Variants in LRRC53 observed in about 807,000 individuals in gnomAD.
LRRC53 encodes the protein leucine rich repeat containing 53.
In LRRC53, 25 loss-of-function variants were observed where a neutral mutation model predicts 13.6. The observed-to-expected ratio is 1.83, with a 90% CI of 1.34 to 2.56. The LOEUF is 2.56. LRRC53 is among the 30% of genes most tolerant of loss of function. The pLI is 0.00. For missense variants in LRRC53, 527 were observed against 275.8 expected (o/e 1.91, Z -6.45); for synonymous variants, 204 against 109.8 (o/e 1.86, Z -5.37).
At chr1:74,522,527 A>C in the LRRC53 span, among the ~76,000 whole-genome samples, 1 of 151,968 alleles carries the variant, frequency 6.6e-6, no homozygotes, top group Non-Finnish European at 1.5e-5. Context: ...TAGAAGACCT[A>C]CTCCTGAGGG....
intron 1 of LRRC53, among the ~76,000 whole-genome samples, chr1:74,504,279 T>C (rs1208116460): frequency 6.6e-6 from 1 of 152,202 alleles, no homozygotes; most frequent in Non-Finnish European, 1.5e-5. Flanking sequence ...TGGACTAAAG[T>C]AACCATGTTA....
At chr1:74,483,687 G>T (rs1388500942) in intron 1 of LRRC53, among the ~76,000 whole-genome samples, 2 of 152,156 alleles carry the variant, frequency 1.3e-5, no homozygotes, top group Non-Finnish European at 2.9e-5. Context: ...ATCTTACTTA[G>T]TTCTTTTAAT....
At chr1:74,530,723 G>GTT in the LRRC53 span, among the ~76,000 whole-genome samples, 9 of 142,180 alleles carry the variant, frequency 6.3e-5, no homozygotes, top group Admixed American at 1.4e-4. Flanking sequence ...AACTCAAAAA[G>GTT]TTTTTTTTTT....
the LRRC53 span, among the ~76,000 whole-genome samples, chr1:74,536,561 A>T: frequency 6.6e-6 from 1 of 152,288 alleles, no homozygotes. Flanking sequence ...GCTAATTTGA[A>T]TTAGCACTAA....
the LRRC53 span, among the ~76,000 whole-genome samples, chr1:74,524,651 T>C: frequency 7.4e-6 from 1 of 135,176 alleles, no homozygotes; most frequent in African/African-American, 2.5e-5. Flanking sequence ...CTTTTACTTT[T>C]AGGTTCTGGA....
intron 1 of LRRC53, among the ~76,000 whole-genome samples, chr1:74,490,707 C>T (rs184546101): frequency 2.3e-3 from 348 of 152,208 alleles, no homozygotes; most frequent in African/African-American, 7.4e-3. Context: ...TTTCAGTCAA[C>T]GGTTTAGATC....
At position 74,475,813 on chromosome 1, in the gene LRRC53, A is replaced by T; in HGVS notation, c.905-3T>A. On this transcript the variant is annotated splice_polypyrimidine_tract_variant and splice_region_variant and intron_variant, in intron 3 of 4. Transcript: ENST00000294635. Reference sequence around the variant, plus strand: ...TAGGCAAGTGAGACCAACAGCTCCTATGACAAATAGAGAGACCATTAAAAG... The same window carrying T: ...TAGGCAAGTGAGACCAACAGCTCCTTTGACAAATAGAGAGACCATTAAAAG... 1.7e-6 allele frequency: 1 copy of T among 599,358 alleles called. No homozygotes were observed. The highest frequency in any genetic ancestry group is 3.0e-6 in the Non-Finnish European group (1 of 328,574). The allele number at this position is 599,358 out of a possible 1,614,324, so 37.1% of individuals were successfully genotyped here. A position where few individuals can be genotyped will look rare whatever the true frequency, so the allele number is the denominator to read the frequency against.
chr1:74,489,726 T>C (rs1668954623), intron 1 of LRRC53, among the ~76,000 whole-genome samples: 1 of 152,192 alleles, frequency 6.6e-6, no homozygotes, highest in African/African-American at 2.4e-5. Flanking sequence ...ATGTTGGTAA[T>C]CAGGCTAATG....
the LRRC53 span, among the ~76,000 whole-genome samples, chr1:74,519,016 A>C: frequency 9.0e-6 from 1 of 111,630 alleles, no homozygotes. Context: ...ATATCTCCCA[A>C]TGCTATCCCT....
chr1:74,531,349 G>C, the LRRC53 span, among the ~76,000 whole-genome samples: 6 of 152,182 alleles, frequency 3.9e-5, no homozygotes, highest in Non-Finnish European at 8.8e-5. Context: ...GAACTTAACT[G>C]ATAAATTAGC....
the LRRC53 span, among the ~76,000 whole-genome samples, chr1:74,520,553 C>A: frequency 6.6e-6 from 1 of 151,946 alleles, no homozygotes; most frequent in African/African-American, 2.4e-5. Flanking sequence ...CTCTTTTGAC[C>A]TTTTCCTTCC....
intron 1 of LRRC53, among the ~76,000 whole-genome samples, chr1:74,491,675 G>A (rs1484335980): frequency 2.6e-5 from 4 of 152,190 alleles, no homozygotes; most frequent in Non-Finnish European, 5.9e-5. Context: ...GGAAAAGTGT[G>A]TAAATTCATT....
rs61729312 is a variant in LRRC53 at position 74,480,427 on chromosome 1, G to A, written c.630C>T (p.Ser210=). 1,463 of 717,552 alleles carry A rather than the reference G, an allele frequency of 2.0e-3. 18 individuals are homozygous for A. In the African/African-American group the frequency reaches 0.022, roughly 11 times the overall value. 44.4% of individuals were successfully genotyped at this position (717,552 alleles called of 1,614,324 possible). The part of the protein sequence containing the change: ...FTPLKQLILL[S]LDKNQWSCTC... ...TGCAGCTCCACTGGTTCTTATCTAA[G>A]CTCAGAAGGATTAACTGCTTCAGTG... Residue 210 remains serine, a synonymous_variant, in exon 3 of 5, where the codon AGC becomes AGT. Transcript: ENST00000294635.
In LRRC53 at chr1:74,480,168, C is replaced by T. The variant is rs1173933782; in HGVS notation, c.889G>A (p.Val297Ile). ...CCCGGCATACCTGCGAAGCCAAGGA[C>T]AGTCAGCAGGGCCACATCTGGTCCT... ...LPGPDVALLT[V>I]LGFAGAVGLT... is the part of the protein sequence containing the mutation. The change falls in exon 3 of 5, where the codon GTC (valine) becomes ATC (isoleucine). Residue 297 changes from valine to isoleucine, a missense_variant. Physicochemically the swap from Val to Ile is conservative, Grantham distance 29 (BLOSUM62 3). Transcript: ENST00000294635. 2 of 716,760 alleles carry T rather than the reference C, an allele frequency of 2.8e-6. No individual in the cohort carries two copies. The highest frequency in any genetic ancestry group is 3.0e-5 in the South Asian group (2 of 67,500). The allele number at this position is 716,760 out of a possible 1,614,324, so 44.4% of individuals were successfully genotyped here.
At chr1:74,511,615 T>C (rs889826143) in intron 1 of LRRC53, among the ~76,000 whole-genome samples, 1 of 152,106 alleles carries the variant, frequency 6.6e-6, no homozygotes, top group Non-Finnish European at 1.5e-5. Context: ...GTAGTAAATA[T>C]TGGACACCCA....
At position 74,480,552 on chromosome 1, in the gene LRRC53, T is replaced by C; in HGVS notation, c.505A>G (p.Ile169Val). The change falls in exon 3 of 5, where the codon ATT becomes GTT. Residue 169 changes from isoleucine (I) to valine (V), a missense_variant. Coordinates refer to ENST00000294635, the MANE Select transcript of LRRC53 (RefSeq NM_001382280.1). ...AAGGCATCTTTCCCAATGTAGGAAA[T>C]AAAATTGTTGGATAAATCCAGATAC... is the stretch of plus-strand genomic sequence containing the variant. ...LRYLDLSNNF[I>V]SYIGKDAFRP... is the part of the protein sequence containing the mutation. 1 of 717,320 alleles carries C rather than the reference T, an allele frequency of 1.4e-6. No individual in the cohort carries two copies. Among genetic ancestry groups the C allele is most frequent in the Non-Finnish European group, 2.6e-6 (1 of 385,068 alleles). 44.4% of individuals were successfully genotyped at this position (717,320 alleles called of 1,614,324 possible). A position where few individuals can be genotyped will look rare whatever the true frequency, so the allele number is the denominator to read the frequency against.
At chr1:74,525,283 G>T in the LRRC53 span, among the ~76,000 whole-genome samples, 3 of 152,186 alleles carry the variant, frequency 2.0e-5, no homozygotes, top group African/African-American at 7.2e-5. Context: ...AGCGCTTTGC[G>T]TGTATACCAT....
At position 74,480,527 on chromosome 1, in the gene LRRC53, A is replaced by T; in HGVS notation, c.530T>A (p.Phe177Tyr). ...TTCCTGTAGTTGAGGCAGGGGCCGG[A>T]AGGCATCTTTCCCAATGTAGGAAAT... is the stretch of plus-strand genomic sequence containing the variant. ...NFISYIGKDA[F>Y]RPLPQLQEVD... is the part of the protein sequence containing the mutation. The change falls in exon 3 of 5, where the codon TTC (phenylalanine) becomes TAC (tyrosine). Residue 177 changes from phenylalanine (F) to tyrosine (Y), a missense_variant. Transcript: ENST00000294635. 1.4e-6 allele frequency: 1 copy of T among 717,488 alleles called. No individual in the cohort carries two copies. The highest frequency in any genetic ancestry group is 2.6e-6 in the Non-Finnish European group (1 of 385,094). 44.4% of individuals were successfully genotyped at this position (717,488 alleles called of 1,614,324 possible).
the LRRC53 span, among the ~76,000 whole-genome samples, chr1:74,521,146 T>C: frequency 6.6e-6 from 1 of 152,194 alleles, no homozygotes; most frequent in African/African-American, 2.4e-5. Context: ...TTTGTAGAGC[T>C]GAAATTAGGA....
Sources: gnomAD v4.1 joint callset for allele counts (sites outside exome capture counted in the v4.1 genomes callset) on GRCh38, gnomAD v4.1.1 for gene constraint, MANE v1.5 for transcripts, NCBI Gene and HGNC (gene_info 2026-07-23, HGNC 2026-07-21) for gene names.